AGK: variants seen among roughly 807,000 people sequenced by gnomAD.
AGK encodes acylglycerol kinase, mitochondrial.
In AGK, 52 loss-of-function variants were observed where a neutral mutation model predicts 66.4. That is an observed-to-expected ratio of 0.78 (90% CI 0.63 to 0.99). AGK has a LOEUF of 0.99. Among genes scored for constraint, AGK ranks in the 50% least tolerant of loss-of-function variants. The pLI is 0.00. For missense variants in AGK, 451 were observed against 506.6 expected, an observed-to-expected ratio of 0.89 and a Z score of 1.05; for synonymous variants, 182 against 181.1, an observed-to-expected ratio of 1.00 and a Z score of -0.04.
intron 8 of AGK, among the ~76,000 whole-genome samples, chr7:141,618,155 A>G (rs1796747355): frequency 6.6e-6 from 1 of 152,180 alleles, no homozygotes; most frequent in African/African-American, 2.4e-5. Flanking sequence ...TTGATTCCTT[A>G]GGTGTTTACA....
intron 13 of AGK, among the ~76,000 whole-genome samples, chr7:141,646,984 C>T (rs1385341100): frequency 6.6e-6 from 1 of 152,144 alleles, no homozygotes; most frequent in African/African-American, 2.4e-5. Flanking sequence ...TTCTTTTCCT[C>T]CCCTTGTATG....
rs1797665288 is a variant in AGK, at chr7:141,655,122, AGT to A, written c.*2205_*2206del. ...TGGCTTTCTTTTCTGATAGGCTACC[AGT>A]GTGTGTTTATGTGTGCTCATTTTGT... On this transcript the variant is annotated 3_prime_UTR_variant, in exon 16 of 16. Transcript: ENST00000649286. The A allele has an allele frequency of 6.6e-6, 1 of 152,248 alleles. No homozygotes were observed. Among genetic ancestry groups the A allele is most frequent in the African/African-American group, 2.4e-5 (1 of 41,462 alleles). 9.4% of individuals were successfully genotyped at this position (152,248 alleles called of 1,614,324 possible). A position where few individuals can be genotyped will look rare whatever the true frequency, so the allele number is the denominator to read the frequency against.
intron 3 of AGK, among the ~76,000 whole-genome samples, chr7:141,596,101 G>A (rs1373782575): frequency 1.3e-5 from 2 of 152,182 alleles, no homozygotes; most frequent in Non-Finnish European, 2.9e-5. Flanking sequence ...AAGGCAAATA[G>A]AGTATTCGGT....
chr7:141,559,861 G>A (rs1795299923), intron 2 of AGK, among the ~76,000 whole-genome samples: 1 of 152,018 alleles, frequency 6.6e-6, no homozygotes, highest in African/African-American at 2.4e-5. Context: ...TAATGGGATT[G>A]TGTTCTTAAT....
intron 2 of AGK, among the ~76,000 whole-genome samples, chr7:141,587,496 C>T (rs761045715): frequency 1.4e-4 from 21 of 152,206 alleles, no homozygotes; most frequent in Non-Finnish European, 2.8e-4. Context: ...GGTGACCTGG[C>T]CTTTACTGGC....
rs1382468037 is a variant in AGK at position 141,610,257 on chromosome 7, G to A, written c.298-938G>A. Among the ~76,000 whole-genome samples the A allele has an allele frequency of 1.1e-4, 17 of 152,058 alleles. 1 individual carries two copies. The South Asian group carries it at 1.7e-3, about 15-fold the overall frequency. The stretch of plus-strand genomic sequence containing the variant: ...GCTGGGATTACAGGCGTGAGCCACC[G>A]CACCTGGCCCAGATATATATATATT... On this transcript the variant is annotated intron_variant, in intron 5 of 15. Transcript: ENST00000649286.
At chr7:141,615,586 A>C in intron 8 of AGK, 21 bp downstream of exon 8, 1 of 1,591,046 alleles carries the variant, frequency 6.3e-7, no homozygotes, top group Non-Finnish European at 8.6e-7. Flanking sequence ...AATGTGGGGA[A>C]TTAGCATTTG....
intron 10 of AGK, among the ~76,000 whole-genome samples, chr7:141,634,847 A>C (rs1196746819): frequency 2.0e-5 from 3 of 150,558 alleles, no homozygotes; most frequent in African/African-American, 7.3e-5. Context: ...TTTTTTTTTA[A>C]CAGAAATTTC....
chr7:141,651,410 G>C (rs1797553485), intron 14 of AGK, 115 bp from the exon 15 acceptor site: 1 of 797,604 alleles, frequency 1.3e-6, no homozygotes, highest in East Asian at 2.6e-5. Context: ...TGGCTTAATA[G>C]ACCATCTGTC....
rs747085485 is a variant in AGK, at chr7:141,651,567, G to A, written c.1089G>A (p.Thr363=). The A allele has an allele frequency of 6.3e-5, 102 of 1,614,084 alleles. No individual in the cohort carries two copies. The highest frequency in any genetic ancestry group is 7.5e-5 in the Non-Finnish European group (89 of 1,180,048). The change falls in exon 15 of 16, where the codon ACG becomes ACA. Residue 363 remains threonine, a synonymous_variant. Coordinates refer to ENST00000649286, the MANE Select transcript of AGK (RefSeq NM_018238.4). ...ACCCCAAGCTGCACGTGGAGGGCAC[G>A]GAGTGTCTCCAAGCCAGCCAGTGCA... ...VRNPKLHVEG[T]ECLQASQCTL...
At chr7:141,583,994 G>C (rs929178775) in intron 2 of AGK, among the ~76,000 whole-genome samples, 2 of 151,910 alleles carry the variant, frequency 1.3e-5, no homozygotes, top group Admixed American at 1.3e-4. Context: ...AGGAGGACGG[G>C]ATTGATCTCC....
chr7:141,558,642 C>A (rs1278368010), intron 2 of AGK, among the ~76,000 whole-genome samples: 1 of 151,782 alleles, frequency 6.6e-6, no homozygotes, highest in Non-Finnish European at 1.5e-5. Flanking sequence ...GGATATATGC[C>A]CAGAAGTGGG....
At chr7:141,582,466 G>T (rs960420778) in intron 2 of AGK, among the ~76,000 whole-genome samples, 2 of 151,942 alleles carry the variant, frequency 1.3e-5, no homozygotes, top group Non-Finnish European at 2.9e-5. Context: ...TTGAGGGCCA[G>T]AATTTAATTT....
At chr7:141,652,004 G>A (rs1302440185) in intron 15 of AGK, among the ~76,000 whole-genome samples, 5 of 152,148 alleles carry the variant, frequency 3.3e-5, no homozygotes, top group African/African-American at 1.2e-4. Flanking sequence ...TCTGGAAGCA[G>A]TTTTCAGTTC....
intron 9 of AGK, among the ~76,000 whole-genome samples, chr7:141,625,740 G>A (rs919268931): frequency 6.6e-6 from 1 of 152,108 alleles, no homozygotes; most frequent in Non-Finnish European, 1.5e-5. Flanking sequence ...AGGTGAAACT[G>A]TTCTCATATC....
intron 10 of AGK, among the ~76,000 whole-genome samples, chr7:141,635,232 T>C (rs1281220775): frequency 6.6e-6 from 1 of 152,206 alleles, no homozygotes; most frequent in African/African-American, 2.4e-5. Context: ...TGTTATTATG[T>C]GCTACCTTGG....
At chr7:141,575,941 C>T (rs932555544) in intron 2 of AGK, among the ~76,000 whole-genome samples, 2 of 152,094 alleles carry the variant, frequency 1.3e-5, no homozygotes, top group African/African-American at 2.4e-5. Flanking sequence ...ATTCCTCATT[C>T]CTTGGAATAG....
chr7:141,596,939 G>A (rs1796240666), intron 4 of AGK: 1 of 289,592 alleles, frequency 3.5e-6, no homozygotes, highest in Admixed American at 4.8e-5. Context: ...GTACTGCTAG[G>A]ACGTAAATCC....
At chr7:141,590,565 T>A (rs547117456) in intron 2 of AGK, among the ~76,000 whole-genome samples, 35 of 152,334 alleles carry the variant, frequency 2.3e-4, no homozygotes, top group African/African-American at 8.4e-4. Flanking sequence ...CAGGTTACTA[T>A]GAGGAACCTC....
Sources: allele counts gnomAD v4.1 joint callset (sites outside exome capture counted in the v4.1 genomes callset), GRCh38; gene constraint gnomAD v4.1.1; transcripts MANE v1.5; gene names NCBI Gene and HGNC (gene_info 2026-07-23, HGNC 2026-07-21).